The following SEMA3A variants were observed in gnomAD, a reference collection of about 807,000 sequenced individuals.
SEMA3A encodes semaphorin 3A.
In SEMA3A, 29 loss-of-function variants were observed where a neutral mutation model predicts 97.9. The observed-to-expected ratio is 0.30, with a 90% confidence interval of 0.22 to 0.40. The LOEUF is 0.40. SEMA3A is among the 10% of genes least tolerant of loss of function. The pLI is 1.00. For missense variants in SEMA3A, 763 were observed against 951.3 expected (o/e 0.80, Z 2.60); for synonymous variants, 321 against 323.7 (o/e 0.99, Z 0.09).
At chr7:84,033,387 C>T (rs368833171) in intron 6 of SEMA3A, among the ~76,000 whole-genome samples, 36 of 152,212 alleles carry the variant, frequency 2.4e-4, no homozygotes, top group African/African-American at 7.5e-4. Flanking sequence ...TGAAATGGTT[C>T]GAGCAGTGTT....
chr7:84,286,191 A>G lies in SEMA3A; in HGVS notation c.-83+21016T>C, dbSNP rs915468257. Among the ~76,000 whole-genome samples the G allele has an allele frequency of 4.6e-5, 7 of 152,246 alleles. No individual in the cohort carries two copies. The East Asian group carries it at 1.4e-3, about 29-fold the overall frequency. On this transcript the variant is annotated intron_variant, in intron 3 of 3. Transcript: ENST00000424555. ...TTAGTGGACTTTTTAATCTAAAGGAAGAAAAATTAAATAGATATGAGGCAC... is the reference window on the plus strand; with the variant it reads ...TTAGTGGACTTTTTAATCTAAAGGAGGAAAAATTAAATAGATATGAGGCAC...
intron 3 of SEMA3A, among the ~76,000 whole-genome samples, chr7:84,302,593 C>T (rs1186620826): frequency 6.6e-6 from 1 of 152,126 alleles, no homozygotes; most frequent in Non-Finnish European, 1.5e-5. Flanking sequence ...ATCTTTCTTG[C>T]TCCTTTAATT....
In SEMA3A at chr7:84,116,583, G is replaced by A. The variant is rs534419062; in HGVS notation, c.334-5994C>T. 2.6e-5 allele frequency among the ~76,000 whole-genome samples: 4 copies of A among 152,208 alleles called. No individual in the cohort carries two copies. The South Asian group carries it at 8.3e-4, about 32-fold the overall frequency. ...GGAATATGACTCTATTTGGGGATTA[G>A]GGTCTTTAAGAAGGTGACTAAGTTA... On this transcript the variant is annotated intron_variant, in intron 3 of 16. Transcript: ENST00000265362.
At chr7:84,143,167 A>G (rs1796347371) in intron 1 of SEMA3A, among the ~76,000 whole-genome samples, 1 of 152,186 alleles carries the variant, frequency 6.6e-6, no homozygotes, top group South Asian at 2.1e-4. Context: ...ACCATGTTAT[A>G]TACTGCCCCC....
At position 83,990,138 on chromosome 7, in the gene SEMA3A, G is replaced by A. The variant is rs1464866224; in HGVS notation, c.1453-4661C>T. Among the ~76,000 whole-genome samples, 198 of 151,746 alleles carry A rather than the reference G, an allele frequency of 1.3e-3. 1 individual carries two copies. Among genetic ancestry groups the A allele is most frequent in the African/African-American group, 4.6e-3 (192 of 41,372 alleles). ...CTTCTTTTGAGAAGTGTCTGTTCATGTCCTTCGCCCACTTTTTGATGGGGT... is the reference window on the plus strand; with the variant it reads ...CTTCTTTTGAGAAGTGTCTGTTCATATCCTTCGCCCACTTTTTGATGGGGT... On this transcript the variant is annotated intron_variant, in intron 12 of 16. Transcript: ENST00000265362.
chr7:84,086,092 T>C (rs1044238659), intron 4 of SEMA3A, among the ~76,000 whole-genome samples: 2 of 152,232 alleles, frequency 1.3e-5, no homozygotes, highest in Middle Eastern at 3.4e-3. Context: ...CTACGAGTGC[T>C]CTGTGTGATA....
chr7:84,051,922 G>T (rs879570149), intron 5 of SEMA3A, among the ~76,000 whole-genome samples: 42 of 149,694 alleles, frequency 2.8e-4, no homozygotes, highest in South Asian at 6.5e-4. Context: ...TAGCATGAAG[G>T]GTTGTTGAAT....
intron 6 of SEMA3A, among the ~76,000 whole-genome samples, chr7:84,042,876 G>C (rs1792198286): frequency 6.6e-6 from 1 of 152,016 alleles, no homozygotes; most frequent in African/African-American, 2.4e-5. Flanking sequence ...TAACTAGGTA[G>C]TAGTATTTTC....
At chr7:84,128,334 G>GA (rs762920730) in intron 3 of SEMA3A, among the ~76,000 whole-genome samples, 7 of 151,532 alleles carry the variant, frequency 4.6e-5, no homozygotes, top group African/African-American at 7.3e-5. Flanking sequence ...GAGATAAAAG[G>GA]AAAAAAATGG....
Position 84,329,993 on chromosome 7 carries a change from T to G in SEMA3A, c.-168-22701A>C, listed in dbSNP as rs75669008. Among the ~76,000 whole-genome samples the G allele has an allele frequency of 5.5e-3, 833 of 152,162 alleles. 6 individuals are homozygous for G. Among genetic ancestry groups the G allele is most frequent in the Non-Finnish European group, 9.3e-3 (632 of 67,956 alleles). The stretch of plus-strand genomic sequence containing the variant: ...TTGATTAATTCAATAATAGTGATTT[T>G]GGGCCAATCATAATAATCCATATCA... On this transcript the variant is annotated intron_variant, in intron 2 of 3. Transcript: ENST00000424555.
At chr7:84,204,797 T>C (rs1246418388) in intron 3 of SEMA3A, among the ~76,000 whole-genome samples, 1 of 152,292 alleles carries the variant, frequency 6.6e-6, no homozygotes, top group East Asian at 1.9e-4. Flanking sequence ...AGAGAAACCA[T>C]GACTTAGACT....
intron 3 of SEMA3A, among the ~76,000 whole-genome samples, chr7:84,224,328 A>G (rs1798942453): frequency 1.3e-5 from 2 of 152,148 alleles, no homozygotes; most frequent in East Asian, 1.9e-4. Flanking sequence ...TTTACTTTGT[A>G]AATTACAGAA....
intron 3 of SEMA3A, among the ~76,000 whole-genome samples, chr7:84,266,843 G>A (rs1379297482): frequency 1.3e-5 from 2 of 152,152 alleles, no homozygotes; most frequent in East Asian, 3.9e-4. Context: ...AATCATTGGT[G>A]TGTCTATCAA....
chr7:84,424,582 ATTAT>A lies in SEMA3A; in HGVS notation c.-245-52686_-245-52683del, dbSNP rs1168501831. ...ATATAATATATAAATATTAATATAT[ATTAT>A]ATATAATATATAAATATTAATATAT... On this transcript the variant is annotated intron_variant, in intron 1 of 3. Coordinates refer to the SEMA3A transcript ENST00000424555. 2.3e-3 allele frequency among the ~76,000 whole-genome samples: 177 copies of A among 77,342 alleles called. 2 individuals are homozygous for A. The highest frequency in any genetic ancestry group is 0.012 in the African/African-American group (161 of 12,908). The allele number at this position is 77,342 out of a possible 152,430, so 50.7% of individuals were successfully genotyped here.
intron 1 of SEMA3A, among the ~76,000 whole-genome samples, chr7:84,153,284 A>G (rs1796735634): frequency 6.6e-6 from 1 of 152,172 alleles, no homozygotes. Context: ...AAGAGGGTCT[A>G]TCAGGAGAGG....
chr7:84,147,741 G>C (rs1219472706), intron 1 of SEMA3A, among the ~76,000 whole-genome samples: 3 of 152,184 alleles, frequency 2.0e-5, no homozygotes, highest in Admixed American at 6.5e-5. Flanking sequence ...GGGTTAGATA[G>C]CTCATAATTT....
At chr7:84,252,955 T>G (rs1799642001) in intron 3 of SEMA3A, among the ~76,000 whole-genome samples, 1 of 152,144 alleles carries the variant, frequency 6.6e-6, no homozygotes, top group Admixed American at 6.5e-5. Flanking sequence ...ATCAGCTCAC[T>G]GCAACTACCA....
At chr7:84,357,964 C>A (rs573267326) in intron 2 of SEMA3A, among the ~76,000 whole-genome samples, 45 of 152,088 alleles carry the variant, frequency 3.0e-4, no homozygotes, top group Non-Finnish European at 5.7e-4. Context: ...ATATCCTTCA[C>A]CCACTTGTTG....
At chr7:84,038,895 A>G (rs775984087) in intron 6 of SEMA3A, among the ~76,000 whole-genome samples, 2 of 152,118 alleles carry the variant, frequency 1.3e-5, no homozygotes, top group African/African-American at 4.8e-5. Flanking sequence ...GTAAAACACA[A>G]TGTGTTTTAT....
Sources: allele counts gnomAD v4.1 joint callset (sites outside exome capture counted in the v4.1 genomes callset), GRCh38; gene constraint gnomAD v4.1.1; transcripts MANE v1.5; gene names NCBI Gene and HGNC (gene_info 2026-07-23, HGNC 2026-07-21).